Variants in CDKAL1 observed in about 807,000 individuals in gnomAD.
CDKAL1 encodes the protein CDKAL1 threonylcarbamoyladenosine tRNA methylthiotransferase, also known as threonylcarbamoyladenosine tRNA methylthiotransferase.
CDKAL1 carries 32 observed loss-of-function variants against 68.2 expected under a neutral mutation model. That is an observed-to-expected ratio of 0.47 (90% CI 0.35 to 0.63). The LOEUF (loss-of-function observed/expected upper bound fraction) is 0.63, where lower values mean the gene tolerates loss of function less well. Ranked by LOEUF, CDKAL1 falls within the 30% of genes least tolerant of loss-of-function variation. The pLI, the probability that CDKAL1 is intolerant of heterozygous loss-of-function variation, is 0.00. For missense variants in CDKAL1, 606 were observed against 696.7 expected, an observed-to-expected ratio of 0.87 and a Z score of 1.47; for synonymous variants, 234 against 244.3, an observed-to-expected ratio of 0.96 and a Z score of 0.39.
chr6:21,184,823 A>ATTTTTTT (rs34599800), intron 13 of CDKAL1, among the ~76,000 whole-genome samples: 4 of 101,646 alleles, frequency 3.9e-5, no homozygotes, highest in Non-Finnish European at 5.6e-5. Flanking sequence ...CGTGCAGCTA[A>ATTTTTTT]TTTTTTTTTT....
intron 4 of CDKAL1, among the ~76,000 whole-genome samples, chr6:20,554,093 C>T (rs1390446504): frequency 2.0e-5 from 3 of 152,394 alleles, no homozygotes; most frequent in African/African-American, 4.8e-5. Context: ...GCTGGGATTA[C>T]AGGCATGAGC....
chr6:20,775,053 G>T (rs1223715815), intron 7 of CDKAL1, among the ~76,000 whole-genome samples: 1 of 152,132 alleles, frequency 6.6e-6, no homozygotes, highest in Non-Finnish European at 1.5e-5. Context: ...AAAGATAAAA[G>T]ATCTCAGAAA....
At chr6:20,618,193 C>T (rs959195462) in intron 4 of CDKAL1, among the ~76,000 whole-genome samples, 1 of 152,140 alleles carries the variant, frequency 6.6e-6, no homozygotes, top group South Asian at 2.1e-4. Flanking sequence ...TTTCATGTGT[C>T]TGTTGGCTGC....
At chr6:20,887,499 A>G (rs1476804202) in intron 9 of CDKAL1, among the ~76,000 whole-genome samples, 1 of 151,670 alleles carries the variant, frequency 6.6e-6, no homozygotes, top group East Asian at 1.9e-4. Context: ...GGAACGAACT[A>G]CCAATTTAAG....
intron 9 of CDKAL1, among the ~76,000 whole-genome samples, chr6:20,939,769 G>A (rs1295819753): frequency 6.6e-6 from 1 of 152,032 alleles, no homozygotes; most frequent in Non-Finnish European, 1.5e-5. Context: ...GGAGTGCTTT[G>A]GTAATGATAA....
chr6:21,108,662 C>T (rs1773972113), intron 13 of CDKAL1, among the ~76,000 whole-genome samples, 199 bp downstream of exon 13: 1 of 152,062 alleles, frequency 6.6e-6, no homozygotes, highest in Non-Finnish European at 1.5e-5. Context: ...ATTTTATTCA[C>T]ATTGAAATCT....
intron 6 of CDKAL1, among the ~76,000 whole-genome samples, chr6:20,755,531 C>A (rs1774131146): frequency 6.6e-6 from 1 of 152,014 alleles, no homozygotes; most frequent in Non-Finnish European, 1.5e-5. Flanking sequence ...ATTTGCCAAA[C>A]TTCGTCTCAT....
intron 9 of CDKAL1, among the ~76,000 whole-genome samples, chr6:20,890,978 G>A (rs951144101): frequency 2.6e-5 from 4 of 151,996 alleles, no homozygotes; most frequent in African/African-American, 9.7e-5. Context: ...AAAGATGGAG[G>A]TGCTGCAATT....
chr6:20,756,902 T>TCTCC (rs1228713875), intron 6 of CDKAL1: 18 of 103,256 alleles, frequency 1.7e-4, no homozygotes, highest in African/African-American at 6.1e-4. Flanking sequence ...CTTCCTTCCT[T>TCTCC]CCTTCCTTCC....
intron 8 of CDKAL1, among the ~76,000 whole-genome samples, chr6:20,816,120 TC>T (rs113420828): frequency 0.53 from 45,815 of 86,326 alleles, 7,388 homozygotes; most frequent in East Asian, 0.67. Context: ...CCTTAATATG[TC>T]CCCCCCCCCG....
At position 20,622,928 on chromosome 6, in the gene CDKAL1, T is replaced by G. The variant is rs980578525; in HGVS notation, c.287-26365T>G. ...TGCATTAGAAACTGACACACTAATTTTTTCCCCCTAATTGTCTCAAACAAA... is the reference window on the plus strand; with the variant it reads ...TGCATTAGAAACTGACACACTAATTGTTTCCCCCTAATTGTCTCAAACAAA... On this transcript the variant is annotated intron_variant, in intron 4 of 15. Coordinates refer to ENST00000274695, the MANE Select transcript of CDKAL1 (RefSeq NM_017774.3). Among the ~76,000 whole-genome samples the G allele has an allele frequency of 5.3e-5, 8 of 152,118 alleles. No homozygotes were observed. In the South Asian group the frequency reaches 1.7e-3, roughly 32 times the overall value.
intron 5 of CDKAL1, among the ~76,000 whole-genome samples, chr6:20,706,182 A>G (rs1771586754): frequency 6.6e-6 from 1 of 152,178 alleles, no homozygotes; most frequent in Admixed American, 6.5e-5. Context: ...CTACCCATCA[A>G]GATTCCTTTG....
At chr6:21,040,179 C>T (rs1372153506) in intron 11 of CDKAL1, among the ~76,000 whole-genome samples, 1 of 152,112 alleles carries the variant, frequency 6.6e-6, no homozygotes, top group Non-Finnish European at 1.5e-5. Flanking sequence ...TTCAAATATG[C>T]ATTTCAGATC....
chr6:20,884,225 A>T (rs1400288972), intron 9 of CDKAL1, among the ~76,000 whole-genome samples: 1 of 152,224 alleles, frequency 6.6e-6, no homozygotes, highest in Non-Finnish European at 1.5e-5. Context: ...GAGTGATCTC[A>T]ATGAATGAAG....
chr6:20,929,941 A>C (rs1763354483), intron 9 of CDKAL1, among the ~76,000 whole-genome samples: 1 of 152,214 alleles, frequency 6.6e-6, no homozygotes, highest in African/African-American at 2.4e-5. Flanking sequence ...GCTTGTTTAA[A>C]TATTCTGAAA....
chr6:21,106,725 G>A (rs1024938306), intron 12 of CDKAL1, among the ~76,000 whole-genome samples: 2 of 152,200 alleles, frequency 1.3e-5, no homozygotes, highest in African/African-American at 4.8e-5. Flanking sequence ...GGTTATATGC[G>A]AATTCTGCAC....
chr6:21,022,672 G>C lies in CDKAL1; in HGVS notation c.1055+22300G>C, dbSNP rs533968726. 9.9e-5 allele frequency among the ~76,000 whole-genome samples: 15 copies of C among 152,234 alleles called. No individual in the cohort carries two copies. The South Asian group carries it at 1.0e-3, about 11-fold the overall frequency. Reference sequence around the variant, plus strand: ...TCCCTGAGCTCACTGCAGACTCCACGGCCTGGCTGGGAGGCTCTTTGTGAC... The same window carrying C: ...TCCCTGAGCTCACTGCAGACTCCACCGCCTGGCTGGGAGGCTCTTTGTGAC... On this transcript the variant is annotated intron_variant, in intron 11 of 15. Transcript: ENST00000274695.
At chr6:20,725,783 T>TAAAA (rs67587689) in intron 5 of CDKAL1, among the ~76,000 whole-genome samples, 1,377 of 98,984 alleles carry the variant, frequency 0.014, 21 homozygotes, top group African/African-American at 0.049. Flanking sequence ...AAACTCCGTC[T>TAAAA]AAAAAAAAAA....
In CDKAL1 at chr6:20,603,768, A is replaced by ATTTTTTTTTTTTTTTTT. The variant is rs745786047; in HGVS notation, c.287-45515_287-45499dup. On this transcript the variant is annotated intron_variant, in intron 4 of 15. Transcript: ENST00000274695. The stretch of plus-strand genomic sequence containing the variant: ...ACATTGATTAATGGGCAGTTGCTAA[A>ATTTTTTTTTTTTTTTTT]TTTTTTTTTTTTTTTTTTTTTTTTT... Among the ~76,000 whole-genome samples the ATTTTTTTTTTTTTTTTT allele has an allele frequency of 1.4e-4, 12 of 85,216 alleles. 2 individuals carry two copies. Among genetic ancestry groups the ATTTTTTTTTTTTTTTTT allele is most frequent in the African/African-American group, 5.6e-4 (12 of 21,354 alleles). The allele number at this position is 85,216 out of a possible 152,430, so 55.9% of individuals were successfully genotyped here.
Sources: allele counts gnomAD v4.1 joint callset (sites outside exome capture counted in the v4.1 genomes callset), GRCh38; gene constraint gnomAD v4.1.1; transcripts MANE v1.5; gene names NCBI Gene and HGNC (gene_info 2026-07-23, HGNC 2026-07-21).